The following CFAP97D1 variants were observed in gnomAD, a reference collection of about 807,000 sequenced individuals.
CFAP97D1 encodes sperm axonemal maintenance protein CFAP97D1.
In CFAP97D1, 15 loss-of-function variants were observed where a neutral mutation model predicts 20.5. That is an observed-to-expected ratio of 0.73 (90% CI 0.49 to 1.13). CFAP97D1 has a LOEUF of 1.13. CFAP97D1 is among the 50% of genes most tolerant of loss of function. CFAP97D1 has a pLI of 0.00. For missense variants in CFAP97D1, 168 were observed against 202.9 expected, an observed-to-expected ratio of 0.83 and a Z score of 1.04; for synonymous variants, 58 against 71.2, an observed-to-expected ratio of 0.82 and a Z score of 0.93.
chr17:43,781,231 T>A (rs894545796), intron 2 of CFAP97D1, 42 bp downstream of exon 2: 4 of 1,468,542 alleles, frequency 2.7e-6, no homozygotes, highest in Non-Finnish European at 3.7e-6. Flanking sequence ...ATGTATTTTA[T>A]TGACTTCCAG....
intron 1 of CFAP97D1, 68 bp downstream of exon 1, chr17:43,780,654 A>T (rs1474131757): frequency 5.3e-6 from 8 of 1,523,554 alleles, no homozygotes; most frequent in African/African-American, 1.4e-5. Context: ...AAAGAGATCA[A>T]CAGGAAACCA....
At position 43,785,530 on chromosome 17, in the gene CFAP97D1, T is replaced by G. The variant is rs574543395; in HGVS notation, c.*1148T>G. 6.6e-6 allele frequency: 1 copy of G among 152,080 alleles called. No individual in the cohort carries two copies. Among genetic ancestry groups the G allele is most frequent in the Non-Finnish European group, 1.5e-5 (1 of 68,124 alleles). 9.4% of individuals were successfully genotyped at this position (152,080 alleles called of 1,614,324 possible). A position where few individuals can be genotyped will look rare whatever the true frequency, so the allele number is the denominator to read the frequency against. On this transcript the variant is annotated 3_prime_UTR_variant, in exon 6 of 6. Transcript: ENST00000449302. Reference sequence around the variant, plus strand: ...ACCTCCGCCTCCTGGGTTCAAGCGATTCTCCTGCCTCAGCCTCCCAAGTAG... The same window carrying G: ...ACCTCCGCCTCCTGGGTTCAAGCGAGTCTCCTGCCTCAGCCTCCCAAGTAG...
chr17:43,782,955 G>C, intron 3 of CFAP97D1: 1 of 546,944 alleles, frequency 1.8e-6, no homozygotes, highest in Non-Finnish European at 3.3e-6. Flanking sequence ...ATCTTCTCAT[G>C]GGCAACAGGG....
At position 43,785,558 on chromosome 17, in the gene CFAP97D1, G is replaced by C. The variant is rs1307889892; in HGVS notation, c.*1176G>C. The C allele has an allele frequency of 6.6e-6, 1 of 152,082 alleles. No individual in the cohort carries two copies. Among genetic ancestry groups the C allele is most frequent in the Admixed American group, 6.6e-5 (1 of 15,248 alleles). The allele number at this position is 152,082 out of a possible 1,614,324, so 9.4% of individuals were successfully genotyped here. On this transcript the variant is annotated 3_prime_UTR_variant, in exon 6 of 6. Coordinates refer to ENST00000449302, the MANE Select transcript of CFAP97D1 (RefSeq NM_001136483.3). ...TCCTGCCTCAGCCTCCCAAGTAGCT[G>C]AGACTACAGGCACTCGCCACCACGC... is the stretch of plus-strand genomic sequence containing the variant.
chr17:43,780,697 T>G (rs557494278), intron 1 of CFAP97D1, 111 bp downstream of exon 1: 1 of 1,229,008 alleles, frequency 8.1e-7, no homozygotes, highest in African/African-American at 1.5e-5. Context: ...GATATGGCCT[T>G]ATCTGCTGAG....
At chr17:43,783,936 C>A in intron 5 of CFAP97D1, 43 bp downstream of exon 5, 1 of 1,476,926 alleles carries the variant, frequency 6.8e-7, no homozygotes, top group Non-Finnish European at 9.2e-7. Flanking sequence ...ACAGCTGATA[C>A]CAAAGCCCTG....
intron 1 of CFAP97D1, among the ~76,000 whole-genome samples, 190 bp from the exon 2 acceptor site, chr17:43,780,929 A>G (rs1430076376): frequency 2.0e-5 from 3 of 152,194 alleles, no homozygotes; most frequent in Admixed American, 6.5e-5. Context: ...TATTTTCACT[A>G]TTCTTTTGTT....
rs1231522964 is a variant in CFAP97D1 at position 43,785,144 on chromosome 17, T to A, written c.*762T>A. ...TAAAGAAGTCCCACCACAGGCCATCTGCAAGCTGGAGACCCTGGTGGAGCA... is the reference window on the plus strand; with the variant it reads ...TAAAGAAGTCCCACCACAGGCCATCAGCAAGCTGGAGACCCTGGTGGAGCA... On this transcript the variant is annotated 3_prime_UTR_variant, in exon 6 of 6. Coordinates refer to ENST00000449302, the MANE Select transcript of CFAP97D1 (RefSeq NM_001136483.3). 6.6e-6 allele frequency: 1 copy of A among 152,350 alleles called. No homozygotes were observed. The highest frequency in any genetic ancestry group is 1.5e-5 in the Non-Finnish European group (1 of 68,176). The allele number at this position is 152,350 out of a possible 1,614,324, so 9.4% of individuals were successfully genotyped here. A position where few individuals can be genotyped will look rare whatever the true frequency, so the allele number is the denominator to read the frequency against.
chr17:43,783,701 C>A, intron 4 of CFAP97D1, 136 bp from the exon 5 acceptor site: 1 of 686,578 alleles, frequency 1.5e-6, no homozygotes, highest in Non-Finnish European at 2.5e-6. Flanking sequence ...GAGGGGAAAC[C>A]ATCTGTGGTG....
In CFAP97D1 at chr17:43,786,914, C is replaced by T. The variant is rs1450210047; in HGVS notation, c.*2532C>T. 3 of 152,012 alleles carry T rather than the reference C, an allele frequency of 2.0e-5. No homozygotes were observed. Among genetic ancestry groups the T allele is most frequent in the Non-Finnish European group, 4.4e-5 (3 of 68,022 alleles). The allele number at this position is 152,012 out of a possible 1,614,324, so 9.4% of individuals were successfully genotyped here. The stretch of plus-strand genomic sequence containing the variant: ...ACATGCTACAATATATTTAACCATA[C>T]ATCCATCAAAGGACATTGGGGTAGT... On this transcript the variant is annotated 3_prime_UTR_variant, in exon 6 of 6. Transcript: ENST00000449302.
rs763448139 is a variant in CFAP97D1 at position 43,785,168 on chromosome 17, C to T, written c.*786C>T. On this transcript the variant is annotated 3_prime_UTR_variant, in exon 6 of 6. Transcript: ENST00000449302. The stretch of plus-strand genomic sequence containing the variant: ...CTGCAAGCTGGAGACCCTGGTGGAG[C>T]AGGGCAGACAACCCCCAAAGTGGGG... 1 of 152,240 alleles carries T rather than the reference C, an allele frequency of 6.6e-6. No homozygotes were observed. Among genetic ancestry groups the T allele is most frequent in the Non-Finnish European group, 1.5e-5 (1 of 68,114 alleles). The allele number at this position is 152,240 out of a possible 1,614,324, so 9.4% of individuals were successfully genotyped here. A position where few individuals can be genotyped will look rare whatever the true frequency, so the allele number is the denominator to read the frequency against.
chr17:43,781,368 G>T (rs1443826718), intron 2 of CFAP97D1, among the ~76,000 whole-genome samples, 179 bp downstream of exon 2: 3 of 149,202 alleles, frequency 2.0e-5, no homozygotes, highest in Non-Finnish European at 4.5e-5. Context: ...ACGGAGTCTC[G>T]CTCTGTTGCC....
Position 43,785,002 on chromosome 17 carries a change from GGAGAGAGAGAGA to G in CFAP97D1, c.*632_*643del, listed in dbSNP as rs112634663. The G allele has an allele frequency of 1.4e-5, 2 of 146,526 alleles. No homozygotes were observed. Among genetic ancestry groups the G allele is most frequent in the African/African-American group, 5.1e-5 (2 of 39,592 alleles). The allele number at this position is 146,526 out of a possible 1,614,324, so 9.1% of individuals were successfully genotyped here. A position where few individuals can be genotyped will look rare whatever the true frequency, so the allele number is the denominator to read the frequency against. ...ATTTGCCAAAGAGACAGACTCAATA[GGAGAGAGAGAGA>G]GAGAGAGAGAGTGAGAGAGATAGAT... On this transcript the variant is annotated 3_prime_UTR_variant, in exon 6 of 6. Transcript: ENST00000449302.
Position 43,786,870 on chromosome 17 carries a change from G to A in CFAP97D1, c.*2488G>A, listed in dbSNP as rs73985106. ...GTTGTGTGTGCCTTTTTATTGCTGA[G>A]TAGTATTCCATGGTATGGACATGCT... On this transcript the variant is annotated 3_prime_UTR_variant, in exon 6 of 6. Transcript: ENST00000449302. The A allele has an allele frequency of 1.6e-3, 242 of 152,230 alleles. 1 individual carries two copies. The highest frequency in any genetic ancestry group is 5.6e-3 in the African/African-American group (233 of 41,522). 9.4% of individuals were successfully genotyped at this position (152,230 alleles called of 1,614,324 possible).
chr17:43,780,660 A>G (rs1040778709), intron 1 of CFAP97D1, 74 bp downstream of exon 1: 31 of 1,506,182 alleles, frequency 2.1e-5, no homozygotes. Context: ...ATCAACAGGA[A>G]ACCAGACCAG....
In CFAP97D1 at chr17:43,783,818, C is replaced by T. The variant is rs771270413; in HGVS notation, c.439-19C>T. The T allele has an allele frequency of 6.5e-6, 10 of 1,545,120 alleles. No individual in the cohort carries two copies. The South Asian group carries it at 1.1e-4, about 17-fold the overall frequency. The stretch of plus-strand genomic sequence containing the variant: ...ACCAATGCCCTGGCATTGACATAAA[C>T]CAATTTTTTTCCTTCAAGAATTCAA... On this transcript the variant is annotated intron_variant, in intron 4 of 5. Coordinates refer to ENST00000449302, the MANE Select transcript of CFAP97D1 (RefSeq NM_001136483.3).
At chr17:43,783,798 T>C (rs760799536) in intron 4 of CFAP97D1, 39 bp from the exon 5 acceptor site, 109 of 1,445,120 alleles carry the variant, frequency 7.5e-5, no homozygotes, top group Non-Finnish European at 9.4e-5. Flanking sequence ...ATAGCACCAA[T>C]GCCCTGGCAT....
In CFAP97D1 at chr17:43,781,777, G is replaced by T; in HGVS notation, c.199G>T (p.Glu67Ter). Residue 67 changes from glutamate (E) to a stop codon, truncating the protein, a stop_gained, in exon 3 of 6, where the codon GAA becomes TAA. Transcript: ENST00000449302. LOFTEE classifies it high-confidence loss of function. ...HILKLSKLQG[E>*]QKKINKIEYE... ...GTGAGGTGTGGTTTCTTACCAGGGT[G>T]AACAAAAGAAAATCAACAAAATCGA... 6.5e-7 allele frequency: 1 copy of T among 1,548,948 alleles called. No individual in the cohort carries two copies. Among genetic ancestry groups the T allele is most frequent in the South Asian group, 1.2e-5 (1 of 83,992 alleles).
chr17:43,780,717 G>A, intron 1 of CFAP97D1, 131 bp downstream of exon 1: 1 of 973,006 alleles, frequency 1.0e-6, no homozygotes, highest in Non-Finnish European at 1.5e-6. Flanking sequence ...GTTTGGGGAA[G>A]AGGGCATTAG....
Sources: allele counts gnomAD v4.1 joint callset (sites outside exome capture counted in the v4.1 genomes callset), GRCh38; gene constraint gnomAD v4.1.1; transcripts MANE v1.5; gene names NCBI Gene and HGNC (gene_info 2026-07-23, HGNC 2026-07-21).